Variants in DZIP1 observed in about 807,000 individuals in gnomAD.
DZIP1 encodes the protein cilium assembly protein DZIP1.
In DZIP1, 97 loss-of-function variants were observed where a neutral mutation model predicts 107.6. That is an observed-to-expected ratio of 0.90 (90% confidence interval 0.77 to 1.07). DZIP1 has a LOEUF of 1.07. Among genes scored for constraint, DZIP1 ranks in the 50% least tolerant of loss-of-function variants. DZIP1 has a pLI of 0.00. For missense variants in DZIP1, 1,035 were observed against 1,063.6 expected (o/e 0.97, Z 0.37); for synonymous variants, 390 against 386.4 (o/e 1.01, Z -0.11).
chr13:95,641,455 T>A lies in DZIP1; in HGVS notation c.437A>T (p.Glu146Val), dbSNP rs1878486302. 1 of 1,614,024 alleles carries A rather than the reference T, an allele frequency of 6.2e-7. No homozygotes were observed. Among genetic ancestry groups the A allele is most frequent in the Non-Finnish European group, 8.5e-7 (1 of 1,180,050 alleles). The change falls in exon 5 of 23, where the codon GAG (glutamate) becomes GTG (valine). Residue 146 changes from glutamate to valine, a missense_variant. By Grantham distance (121) the Glu-to-Val change is moderately radical. Transcript: ENST00000376829. The surrounding 1 kb of genome is among the most constrained non-coding windows in gnomAD (Gnocchi z 4.3). ...EFLTSQLHTL[E>V]ERLRLSHCDG... is the part of the protein sequence containing the mutation. The stretch of plus-strand genomic sequence containing the variant: ...GCAGTGGCTCAGGCGCAGCCGCTCC[T>A]CCAGGGTGTGCAGCTGCGAGGTGAG...
intron 14 of DZIP1, among the ~76,000 whole-genome samples, chr13:95,601,507 C>T (rs1251041749): frequency 1.3e-5 from 2 of 152,162 alleles, no homozygotes; most frequent in African/African-American, 4.8e-5. Flanking sequence ...TGCCCTTTTG[C>T]CCCTAGCTGA....
chr13:95,587,901 C>T (rs1235057656), intron 19 of DZIP1, 172 bp from the exon 20 acceptor site: 14 of 711,128 alleles, frequency 2.0e-5, no homozygotes, highest in South Asian at 4.5e-5. Context: ...GTTATACCCA[C>T]GGCTGTAGCA....
intron 20 of DZIP1, 78 bp downstream of exon 20, chr13:95,587,461 C>T: frequency 6.5e-7 from 1 of 1,545,022 alleles, no homozygotes; most frequent in South Asian, 1.3e-5. Context: ...AGCTCAGACT[C>T]CCAGTGCTCG....
At chr13:95,622,917 A>G (rs1046735505) in intron 8 of DZIP1, among the ~76,000 whole-genome samples, 1 of 151,202 alleles carries the variant, frequency 6.6e-6, no homozygotes, top group Non-Finnish European at 1.5e-5. Context: ...TAATTTTTGT[A>G]TTTTTTTTGT....
intron 10 of DZIP1, among the ~76,000 whole-genome samples, chr13:95,618,653 T>G (rs904705416): frequency 3.9e-5 from 6 of 152,230 alleles, no homozygotes; most frequent in Admixed American, 2.0e-4. Flanking sequence ...CCTCAGTATT[T>G]GTTCCACTTT....
At chr13:95,587,434 T>C in intron 20 of DZIP1, 105 bp downstream of exon 20, 2 of 1,476,800 alleles carry the variant, frequency 1.4e-6, no homozygotes, top group Non-Finnish European at 9.2e-7. Context: ...CTGCATCTGT[T>C]CCTTGCACAC....
chr13:95,615,245 G>T (rs892917617), intron 10 of DZIP1, among the ~76,000 whole-genome samples: 1 of 152,098 alleles, frequency 6.6e-6, no homozygotes. Context: ...ACTGTAACTC[G>T]CTTTCTATTC....
chr13:95,640,845 G>T (rs1878401591), intron 5 of DZIP1, among the ~76,000 whole-genome samples: 1 of 152,090 alleles, frequency 6.6e-6, no homozygotes, highest in Non-Finnish European at 1.5e-5. Context: ...GAATCTGGGT[G>T]AAGGGCGCAT....
At chr13:95,640,225 C>A (rs1362849425) in intron 5 of DZIP1, among the ~76,000 whole-genome samples, 2 of 152,062 alleles carry the variant, frequency 1.3e-5, no homozygotes, top group African/African-American at 4.8e-5. Flanking sequence ...GTCTCAATCT[C>A]CTGACCTCGT....
At chr13:95,598,294 GGTCT>G (rs1180049231) in intron 15 of DZIP1, among the ~76,000 whole-genome samples, 6 of 151,914 alleles carry the variant, frequency 3.9e-5, no homozygotes, top group African/African-American at 1.5e-4. Flanking sequence ...TAAACTAAAT[GGTCT>G]GTCTAAAATA....
At chr13:95,610,118 G>GAGAGACAGAGAGAGAGAGACAGAGAC (rs1566390409) in intron 12 of DZIP1, among the ~76,000 whole-genome samples, 1 of 145,654 alleles carries the variant, frequency 6.9e-6, no homozygotes, top group Non-Finnish European at 1.5e-5. Context: ...GTGTGAGAGA[G>GAGAGACAGAGAGAGAGAGACAGAGAC]AGACAGAGAG....
chr13:95,643,802 T>G (rs1379487285), intron 1 of DZIP1, 104 bp from the exon 2 acceptor site: 2 of 152,388 alleles, frequency 1.3e-5, no homozygotes, highest in African/African-American at 4.8e-5. Flanking sequence ...AAACATCAGC[T>G]CCTGGCCCTT....
chr13:95,640,588 T>C (rs1283403233), intron 5 of DZIP1, among the ~76,000 whole-genome samples: 1 of 152,194 alleles, frequency 6.6e-6, no homozygotes, highest in South Asian at 2.1e-4. Flanking sequence ...ATACATTGGT[T>C]TATGTTATAC....
intron 21 of DZIP1, among the ~76,000 whole-genome samples, chr13:95,585,383 A>G (rs2044134504): frequency 6.6e-6 from 1 of 152,364 alleles, no homozygotes. Flanking sequence ...CTTGAATGTC[A>G]TAGGACTTTC....
rs544403768 is a variant in DZIP1 at position 95,629,999 on chromosome 13, C to A, written c.800G>T (p.Arg267Ile). The A allele has an allele frequency of 7.4e-5, 118 of 1,602,566 alleles. No individual in the cohort carries two copies. The highest frequency in any genetic ancestry group is 9.0e-5 in the Non-Finnish European group (106 of 1,176,718). ...AATTCTGCCTGGTACCTTGGAGAATCTGACTGCACTGGCATGGTGTGCAGC... is the reference window on the plus strand; with the variant it reads ...AATTCTGCCTGGTACCTTGGAGAATATGACTGCACTGGCATGGTGTGCAGC... ...LEAAHHASAV[R>I]FSKEYEMQKT... The change falls in exon 7 of 23, where the codon AGA becomes ATA. Residue 267 changes from arginine (R) to isoleucine (I), a missense_variant. Transcript: ENST00000376829.
chr13:95,625,850 G>A (rs1483608854), intron 7 of DZIP1, among the ~76,000 whole-genome samples: 2 of 152,082 alleles, frequency 1.3e-5, no homozygotes, highest in African/African-American at 4.8e-5. Context: ...AGGTCCAGGT[G>A]TGATGGCTAT....
chr13:95,621,189 G>C (rs1875797456), intron 9 of DZIP1, among the ~76,000 whole-genome samples: 1 of 152,194 alleles, frequency 6.6e-6, no homozygotes, highest in Admixed American at 6.5e-5. Flanking sequence ...CCGAAAACTG[G>C]GAGCTGCAGG....
At chr13:95,600,732 C>T (rs376589309) in intron 14 of DZIP1, among the ~76,000 whole-genome samples, 16 of 152,008 alleles carry the variant, frequency 1.1e-4, no homozygotes, top group Non-Finnish European at 2.1e-4. Flanking sequence ...ATGGGAGAAA[C>T]GCATCTTAAA....
At chr13:95,599,130 T>C (rs186812576) in intron 15 of DZIP1, among the ~76,000 whole-genome samples, 1 of 152,106 alleles carries the variant, frequency 6.6e-6, no homozygotes, top group East Asian at 1.9e-4. Context: ...ACACAAAAAA[T>C]TTCTTATTTT....
Sources: gnomAD v4.1 joint callset for allele counts (sites outside exome capture counted in the v4.1 genomes callset) on GRCh38, gnomAD v4.1.1 for gene constraint, Gnocchi (gnomAD v3.1) non-coding constraint, MANE v1.5 for transcripts, NCBI Gene and HGNC (gene_info 2026-07-23, HGNC 2026-07-21) for gene names.